IMMP2L: variants seen among roughly 807,000 people sequenced by gnomAD.
IMMP2L encodes the protein mitochondrial inner membrane protease subunit 2.
IMMP2L carries 18 observed loss-of-function variants against 19.3 expected under a neutral mutation model. That is an observed-to-expected ratio of 0.93 (90% CI 0.64 to 1.38). The LOEUF is 1.38. Among genes scored for constraint, IMMP2L ranks in the 40% most tolerant of loss-of-function variants. The pLI is 0.00. For missense variants in IMMP2L, 233 were observed against 218.2 expected (o/e 1.07, Z -0.43); for synonymous variants, 76 against 73.0 (o/e 1.04, Z -0.21).
chr7:111,027,286 T>C (rs142069941), intron 3 of IMMP2L, among the ~76,000 whole-genome samples: 2 of 152,264 alleles, frequency 1.3e-5, no homozygotes, highest in Non-Finnish European at 2.9e-5. Context: ...TCTAGACAGA[T>C]ACAAGAGAAA....
intron 5 of IMMP2L, among the ~76,000 whole-genome samples, chr7:110,825,055 T>C (rs566601898): frequency 2.8e-4 from 43 of 151,720 alleles, no homozygotes; most frequent in South Asian, 2.3e-3. Context: ...AACAAACAAA[T>C]AGCCGAATCA....
chr7:111,324,686 A>AG lies in IMMP2L; in HGVS notation c.239+162551dup, dbSNP rs528119285. Among the ~76,000 whole-genome samples the AG allele has an allele frequency of 2.5e-3, 387 of 152,058 alleles. 2 individuals carry two copies. Among genetic ancestry groups the AG allele is most frequent in the African/African-American group, 8.8e-3 (367 of 41,534 alleles). ...ATTCCAATACTATATTCCCTAACAAAGGGAAAAAAATAAATTATAGCTAAA... is the reference window on the plus strand; with the variant it reads ...ATTCCAATACTATATTCCCTAACAAAGGGGAAAAAAATAAATTATAGCTAAA... On this transcript the variant is annotated intron_variant, in intron 3 of 5. Transcript: ENST00000405709.
chr7:111,185,262 G>A (rs1215308922), intron 3 of IMMP2L, among the ~76,000 whole-genome samples: 1 of 152,152 alleles, frequency 6.6e-6, no homozygotes, highest in African/African-American at 2.4e-5. Flanking sequence ...CTCTGTGGTT[G>A]GATTTTTCAG....
intron 3 of IMMP2L, among the ~76,000 whole-genome samples, chr7:111,379,187 C>A (rs2131198978): frequency 1.4e-5 from 2 of 138,410 alleles, no homozygotes. Context: ...TCATTGAAAA[C>A]TTCAAGTAAC....
chr7:111,038,611 C>G (rs777977261), intron 3 of IMMP2L, among the ~76,000 whole-genome samples: 35 of 152,128 alleles, frequency 2.3e-4, no homozygotes, highest in Admixed American at 4.6e-4. Context: ...TTCAGTAAAA[C>G]AGACCCTTGG....
At chr7:111,377,766 A>G (rs1310724792) in intron 3 of IMMP2L, among the ~76,000 whole-genome samples, 4 of 151,990 alleles carry the variant, frequency 2.6e-5, no homozygotes, top group Non-Finnish European at 5.9e-5. Context: ...TATATACTCT[A>G]AACTGTTTTA....
At chr7:111,458,216 C>T (rs1299096039) in intron 3 of IMMP2L, among the ~76,000 whole-genome samples, 1 of 151,810 alleles carries the variant, frequency 6.6e-6, no homozygotes, top group African/African-American at 2.4e-5. Context: ...CCATCTCCAC[C>T]AAAAAATACA....
intron 3 of IMMP2L, among the ~76,000 whole-genome samples, chr7:111,388,769 G>A (rs190942322): frequency 7.0e-4 from 106 of 152,050 alleles, no homozygotes; most frequent in Non-Finnish European, 3.7e-4. Flanking sequence ...AGGAAAGACC[G>A]GCCCCCATGA....
intron 3 of IMMP2L, among the ~76,000 whole-genome samples, chr7:110,989,601 A>AT (rs1416265749): frequency 6.7e-6 from 1 of 150,160 alleles, no homozygotes; most frequent in East Asian, 1.9e-4. Context: ...TTAATTTTCT[A>AT]TTTTTATGGG....
intron 4 of IMMP2L, chr7:110,962,892 A>G (rs76716250): frequency 7.3e-7 from 1 of 1,361,208 alleles, no homozygotes; most frequent in East Asian, 2.7e-5. Context: ...AAGCGATCAC[A>G]ATGAGACACA....
intron 3 of IMMP2L, among the ~76,000 whole-genome samples, chr7:111,129,074 A>C (rs1770635600): frequency 1.3e-5 from 2 of 152,204 alleles, no homozygotes; most frequent in Non-Finnish European, 2.9e-5. Flanking sequence ...TTAACATTTT[A>C]GATGAAAAAT....
chr7:111,046,842 C>A (rs189416873), intron 3 of IMMP2L, among the ~76,000 whole-genome samples: 2 of 152,286 alleles, frequency 1.3e-5, no homozygotes, highest in Admixed American at 1.3e-4. Context: ...TACTTTCATT[C>A]ACGGAGCAAT....
At chr7:111,320,146 C>A (rs1824530757) in intron 3 of IMMP2L, among the ~76,000 whole-genome samples, 1 of 152,040 alleles carries the variant, frequency 6.6e-6, no homozygotes, top group Non-Finnish European at 1.5e-5. Flanking sequence ...CATACCCAGG[C>A]TGCACACTGT....
chr7:110,846,348 CTTTTTTTTT>C (rs919194286), intron 5 of IMMP2L, among the ~76,000 whole-genome samples: 7 of 126,438 alleles, frequency 5.5e-5, no homozygotes, highest in Admixed American at 8.1e-5. Context: ...ACCCTGATTT[CTTTTTTTTT>C]TTTTTTTTTT....
chr7:110,782,356 C>A (rs1224371441), intron 5 of IMMP2L, among the ~76,000 whole-genome samples: 1 of 151,736 alleles, frequency 6.6e-6, no homozygotes, highest in East Asian at 1.9e-4. Context: ...AAGAATCTAA[C>A]CTGCTATGTG....
At chr7:111,182,404 C>T (rs2129611259) in intron 3 of IMMP2L, among the ~76,000 whole-genome samples, 1 of 151,968 alleles carries the variant, frequency 6.6e-6, no homozygotes, top group South Asian at 2.1e-4. Context: ...GTAGAGGAGC[C>T]AGGTTGCCTC....
At chr7:111,193,118 T>C (rs562244945) in intron 3 of IMMP2L, among the ~76,000 whole-genome samples, 156 of 152,100 alleles carry the variant, frequency 1.0e-3, no homozygotes, top group South Asian at 8.3e-4. Context: ...AAGGAAAAGA[T>C]TGAGGAGAGA....
intron 4 of IMMP2L, among the ~76,000 whole-genome samples, chr7:110,914,883 A>G (rs931967311): frequency 6.6e-6 from 1 of 152,192 alleles, no homozygotes; most frequent in African/African-American, 2.4e-5. Context: ...AATACAAATG[A>G]AAACCACAAC....
At position 111,539,129 on chromosome 7, in the gene IMMP2L, A is replaced by AG. The variant is rs1176865097; in HGVS notation, c.-2-17681dup. Among the ~76,000 whole-genome samples, 199 of 132,304 alleles carry AG rather than the reference A, an allele frequency of 1.5e-3. 3 individuals carry two copies. Among genetic ancestry groups the AG allele is most frequent in the African/African-American group, 5.9e-3 (193 of 32,632 alleles). The allele number at this position is 132,304 out of a possible 152,430, so 86.8% of individuals were successfully genotyped here. A position where few individuals can be genotyped will look rare whatever the true frequency, so the allele number is the denominator to read the frequency against. On this transcript the variant is annotated intron_variant, in intron 1 of 5. Transcript: ENST00000405709. ...CAAGACTCCATCTCACAAAAAGAAA[A>AG]GAAAAGGAAGGAAGGAAGGAAGGAA...
Sources: allele counts gnomAD v4.1 joint callset (sites outside exome capture counted in the v4.1 genomes callset), GRCh38; gene constraint gnomAD v4.1.1; transcripts MANE v1.5; gene names NCBI Gene and HGNC (gene_info 2026-07-23, HGNC 2026-07-21).